Variants in PPP1R12A observed in about 807,000 individuals in gnomAD.
PPP1R12A encodes the protein myosin binding subunit.
Under a neutral mutation model 139.6 loss-of-function variants are expected in PPP1R12A, and 19 were observed. That is an observed-to-expected ratio of 0.14 (90% CI 0.09 to 0.20). The LOEUF is 0.20. Ranked by LOEUF, PPP1R12A falls within the 10% of genes least tolerant of loss-of-function variation. The pLI is 1.00. For missense variants in PPP1R12A, 925 were observed against 1,211.5 expected, an observed-to-expected ratio of 0.76 and a Z score of 3.51; for synonymous variants, 427 against 420.6, an observed-to-expected ratio of 1.02 and a Z score of -0.19.
intron 1 of PPP1R12A, among the ~76,000 whole-genome samples, chr12:79,881,119 G>A (rs958597737): frequency 6.6e-6 from 1 of 151,852 alleles, no homozygotes; most frequent in African/African-American, 2.4e-5. Flanking sequence ...TATTCCCTTA[G>A]AAATAACAAT....
At chr12:79,803,486 AACCCAAAGGGTAT>A (rs973003174) in intron 14 of PPP1R12A, among the ~76,000 whole-genome samples, 1 of 152,160 alleles carries the variant, frequency 6.6e-6, no homozygotes, top group African/African-American at 2.4e-5. Context: ...TTTTCTGAGC[AACCCAAAGGGTAT>A]ACCTGTGTTG....
intron 4 of PPP1R12A, 123 bp from the exon 5 acceptor site, chr12:79,828,587 C>G (rs1388645688): frequency 1.3e-6 from 1 of 790,902 alleles, no homozygotes; most frequent in African/African-American, 1.8e-5. Context: ...AATTTACATC[C>G]TTCCCCCTCA....
At position 79,774,717 on chromosome 12, in the gene PPP1R12A, A is replaced by ATAAC. The variant is rs1447521843; in HGVS notation, c.*1208_*1211dup. On this transcript the variant is annotated 3_prime_UTR_variant, in exon 25 of 25. Coordinates refer to ENST00000450142, the MANE Select transcript of PPP1R12A (RefSeq NM_002480.3). ...AAAGTCGATGCCTCTTCACATGGCA[A>ATAAC]TAACAGTGCATTTAACATTAACTCA... is the stretch of plus-strand genomic sequence containing the variant. 6.6e-6 allele frequency: 1 copy of ATAAC among 152,412 alleles called. No individual in the cohort carries two copies. Among genetic ancestry groups the ATAAC allele is most frequent in the Non-Finnish European group, 1.5e-5 (1 of 67,958 alleles). 9.4% of individuals were successfully genotyped at this position (152,412 alleles called of 1,614,324 possible).
At chr12:79,824,763 T>C (rs892268908) in intron 5 of PPP1R12A, among the ~76,000 whole-genome samples, 5 of 152,146 alleles carry the variant, frequency 3.3e-5, no homozygotes, top group African/African-American at 1.2e-4. Context: ...ATTTATAGTA[T>C]ATAAGCAGTG....
rs556434419 is a variant in PPP1R12A at position 79,885,071 on chromosome 12, C to A, written c.238-12133G>T. Among the ~76,000 whole-genome samples the A allele has an allele frequency of 2.0e-5, 3 of 152,218 alleles. No individual in the cohort carries two copies. In the South Asian group the frequency reaches 6.2e-4, roughly 32 times the overall value. On this transcript the variant is annotated intron_variant, in intron 1 of 24. Transcript: ENST00000450142. ...ATTAAATTGAGTAAACTTGCCATCA[C>A]AAAACAAGTAGCATTTGAAATAAAT... is the stretch of plus-strand genomic sequence containing the variant.
chr12:79,814,907 CAA>C (rs368315574), intron 9 of PPP1R12A, among the ~76,000 whole-genome samples: 74 of 134,552 alleles, frequency 5.5e-4, no homozygotes, highest in African/African-American at 1.9e-3. Flanking sequence ...AACAAAGAAA[CAA>C]TATAATCTTC....
chr12:79,806,477 T>A, intron 12 of PPP1R12A, 144 bp from the exon 13 acceptor site: 2 of 695,722 alleles, frequency 2.9e-6, no homozygotes, highest in East Asian at 5.4e-5. Context: ...GCACCAAGAG[T>A]TGCATCTACA....
chr12:79,845,490 A>G, intron 2 of PPP1R12A, 70 bp from the exon 3 acceptor site: 1 of 1,119,540 alleles, frequency 8.9e-7, no homozygotes, highest in Non-Finnish European at 1.3e-6. Flanking sequence ...TGCATAACCA[A>G]TGAGGAAAGT....
intron 1 of PPP1R12A, among the ~76,000 whole-genome samples, chr12:79,933,286 G>A (rs1415143209): frequency 6.6e-6 from 1 of 152,136 alleles, no homozygotes; most frequent in African/African-American, 2.4e-5. Flanking sequence ...TGTAAACAAA[G>A]GCTATACTCC....
At chr12:79,878,080 A>C (rs1883287779) in intron 1 of PPP1R12A, among the ~76,000 whole-genome samples, 1 of 152,046 alleles carries the variant, frequency 6.6e-6, no homozygotes, top group Admixed American at 6.6e-5. Flanking sequence ...TAAGCCTACA[A>C]CACTACAAAA....
chr12:79,779,477 T>A (rs1346835795), intron 23 of PPP1R12A: 2 of 719,860 alleles, frequency 2.8e-6, no homozygotes, highest in East Asian at 1.3e-4. Context: ...AATGTTAATG[T>A]TTTTAGGGTA....
chr12:79,843,688 T>C (rs2137203967), intron 3 of PPP1R12A, among the ~76,000 whole-genome samples: 1 of 148,902 alleles, frequency 6.7e-6, no homozygotes, highest in East Asian at 2.0e-4. Flanking sequence ...GGTAAATTTC[T>C]AGAAAAGGAG....
At chr12:79,817,711 T>C (rs1387097355) in intron 8 of PPP1R12A, among the ~76,000 whole-genome samples, 193 bp from the exon 9 acceptor site, 3 of 152,176 alleles carry the variant, frequency 2.0e-5, no homozygotes, top group South Asian at 2.1e-4. Context: ...CTGAAATAAA[T>C]AGTTAAGATA....
At chr12:79,863,579 T>C (rs967279347) in intron 2 of PPP1R12A, among the ~76,000 whole-genome samples, 1 of 143,122 alleles carries the variant, frequency 7.0e-6, no homozygotes, top group African/African-American at 2.6e-5. Context: ...ACCCATCTCA[T>C]GTGCAAAGAC....
chr12:79,868,204 A>G (rs958676644), intron 2 of PPP1R12A, among the ~76,000 whole-genome samples: 21 of 152,332 alleles, frequency 1.4e-4, no homozygotes, highest in African/African-American at 5.1e-4. Flanking sequence ...TTCAATTATA[A>G]TTTATGCCAC....
chr12:79,873,537 A>G (rs1882788526), intron 1 of PPP1R12A, among the ~76,000 whole-genome samples: 1 of 150,680 alleles, frequency 6.6e-6, no homozygotes, highest in Non-Finnish European at 1.5e-5. Flanking sequence ...ACAGTGGCTC[A>G]TGCTTGTAAT....
chr12:79,836,280 CCTTT>C lies in PPP1R12A; in HGVS notation c.488-3793_488-3790del, dbSNP rs1488373389. ...TTTAAGATATGCCTAATGTTAGTAA[CCTTT>C]CTATTAAGTGATTTATCTTAGATTT... On this transcript the variant is annotated intron_variant, in intron 3 of 24. Coordinates refer to ENST00000450142, the MANE Select transcript of PPP1R12A (RefSeq NM_002480.3). 3.9e-5 allele frequency among the ~76,000 whole-genome samples: 6 copies of C among 152,106 alleles called. No homozygotes were observed. In the East Asian group the frequency reaches 1.2e-3, roughly 29 times the overall value.
chr12:79,923,883 A>G (rs1485357123), intron 1 of PPP1R12A, among the ~76,000 whole-genome samples: 1 of 152,088 alleles, frequency 6.6e-6, no homozygotes, highest in Non-Finnish European at 1.5e-5. Flanking sequence ...TCTCTACTAA[A>G]AATAAGAAAA....
Position 79,796,797 on chromosome 12 carries a change from T to C in PPP1R12A, c.2446A>G (p.Lys816Glu). 1 of 1,604,730 alleles carries C rather than the reference T, an allele frequency of 6.2e-7. No homozygotes were observed. Among genetic ancestry groups the C allele is most frequent in the East Asian group, 2.2e-5 (1 of 44,668 alleles). Reference protein sequence around the residue: ...ITSAYSRGITKENEREGEKRE... With the variant: ...ITSAYSRGITEENEREGEKRE... ...GTATTCTTACCTCTTTCATTTTCTT[T>C]TGTTATTCCTCTGGAGTAAGCAGAA... The change falls in exon 17 of 25, where the codon AAA becomes GAA. Residue 816 changes from lysine (K) to glutamate (E), a missense_variant. Lys to Glu is a moderately conservative substitution (Grantham distance 56, BLOSUM62 1). This residue lies in a region of PPP1R12A where 315 missense variants were observed against 363.4 expected (regional missense o/e 0.87). Coordinates refer to ENST00000450142, the MANE Select transcript of PPP1R12A (RefSeq NM_002480.3).
Sources: allele counts gnomAD v4.1 joint callset (sites outside exome capture counted in the v4.1 genomes callset), GRCh38; gene constraint gnomAD v4.1.1; regional missense constraint gnomAD v4.1.1; transcripts MANE v1.5; gene names NCBI Gene and HGNC (gene_info 2026-07-23, HGNC 2026-07-21).